Variants in SORBS2 observed in about 807,000 individuals in gnomAD.
The protein encoded by SORBS2 is sorbin and SH3 domain containing 2, also known as sorbin and SH3 domain-containing protein 2.
SORBS2 carries 46 observed loss-of-function variants against 97.7 expected under a neutral mutation model. The ratio of observed to expected loss-of-function variants is 0.47; its 90% CI spans 0.37 to 0.60. SORBS2 has a LOEUF of 0.60. SORBS2 is among the 20% of genes least tolerant of loss of function. SORBS2 has a pLI of 0.00. For missense variants in SORBS2, 1,316 were observed against 1,282.3 expected, an observed-to-expected ratio of 1.03 and a Z score of -0.40; for synonymous variants, 476 against 473.4, an observed-to-expected ratio of 1.01 and a Z score of -0.07.
intron 1 of SORBS2, among the ~76,000 whole-genome samples, chr4:185,894,935 C>G (rs115495237): frequency 6.6e-6 from 1 of 152,142 alleles, no homozygotes; most frequent in African/African-American, 2.4e-5. Flanking sequence ...GTGACTGAGC[C>G]GGGGATGCCT....
At chr4:185,654,852 C>A (rs961978635) in intron 1 of SORBS2, among the ~76,000 whole-genome samples, 2 of 151,994 alleles carry the variant, frequency 1.3e-5, no homozygotes, top group Non-Finnish European at 2.9e-5. Context: ...TTTTTACATT[C>A]CTACAGTTTT....
chr4:185,892,933 G>C (rs1247914713), intron 1 of SORBS2, among the ~76,000 whole-genome samples: 1 of 152,120 alleles, frequency 6.6e-6, no homozygotes, highest in Non-Finnish European at 1.5e-5. Flanking sequence ...ATGTTATTTA[G>C]AAAATGAGAA....
intron 2 of SORBS2, among the ~76,000 whole-genome samples, chr4:185,685,368 C>A (rs1353106479): frequency 6.6e-6 from 1 of 152,100 alleles, no homozygotes; most frequent in Non-Finnish European, 1.5e-5. Context: ...AGGTATGATA[C>A]ATTTTTTTAG....
At chr4:185,889,721 G>A (rs1238711250) in intron 1 of SORBS2, among the ~76,000 whole-genome samples, 4 of 151,470 alleles carry the variant, frequency 2.6e-5, no homozygotes, top group South Asian at 2.1e-4. Context: ...ACAGTTTTAC[G>A]CCCTGAACAT....
At chr4:185,690,501 A>C in intron 2 of SORBS2, 61 bp downstream of exon 4, 1 of 1,106,718 alleles carries the variant, frequency 9.0e-7, no homozygotes, top group South Asian at 1.6e-5. Context: ...CTAATGATTT[A>C]GGGCCAACAT....
At chr4:185,879,721 G>A (rs2099235933) in intron 1 of SORBS2, among the ~76,000 whole-genome samples, 2 of 152,188 alleles carry the variant, frequency 1.3e-5, no homozygotes, top group African/African-American at 4.8e-5. Context: ...TCTAACAGGT[G>A]TGAGATGGTA....
At chr4:185,835,727 T>G (rs1042887243) in intron 1 of SORBS2, among the ~76,000 whole-genome samples, 6 of 151,306 alleles carry the variant, frequency 4.0e-5, no homozygotes, top group African/African-American at 1.5e-4. Flanking sequence ...CTTTAGCCAG[T>G]TTATCTCCTC....
At chr4:185,706,882 A>C (rs2098350808) in intron 2 of SORBS2, among the ~76,000 whole-genome samples, 1 of 152,134 alleles carries the variant, frequency 6.6e-6, no homozygotes, top group African/African-American at 2.4e-5. Context: ...ATTTTGTCAA[A>C]ATACCACATT....
At chr4:185,723,312 T>G (rs2098530710) in intron 2 of SORBS2, among the ~76,000 whole-genome samples, 1 of 152,204 alleles carries the variant, frequency 6.6e-6, no homozygotes, top group South Asian at 2.1e-4. Context: ...TCTGTCTCCC[T>G]TAAGAACTTT....
chr4:185,812,049 T>C (rs926973829), intron 1 of SORBS2: 5 of 152,238 alleles, frequency 3.3e-5, no homozygotes, highest in African/African-American at 1.2e-4. Flanking sequence ...ATCAGCTAAT[T>C]GGAACGGCAG....
intron 1 of SORBS2, among the ~76,000 whole-genome samples, chr4:185,845,603 T>G (rs1204355417): frequency 6.6e-6 from 1 of 151,954 alleles, no homozygotes; most frequent in Non-Finnish European, 1.5e-5. Flanking sequence ...CTCTGCTAAA[T>G]AAAAGGGAAA....
intron 1 of SORBS2, among the ~76,000 whole-genome samples, chr4:185,848,636 T>C (rs2099215991): frequency 5.2e-5 from 1 of 19,362 alleles, no homozygotes; most frequent in Admixed American, 8.8e-4. Flanking sequence ...TTTTTTTTTT[T>C]TTTTTTTTTT....
At chr4:185,857,118 T>C (rs1180369078) in intron 1 of SORBS2, among the ~76,000 whole-genome samples, 2 of 152,198 alleles carry the variant, frequency 1.3e-5, no homozygotes, top group Non-Finnish European at 2.9e-5. Context: ...CCCATGATGA[T>C]GGACTGGTGG....
At chr4:185,825,227 G>A (rs1280984049) in intron 1 of SORBS2, among the ~76,000 whole-genome samples, 1 of 147,654 alleles carries the variant, frequency 6.8e-6, no homozygotes, top group Non-Finnish European at 1.5e-5. Context: ...TTTTTTTACT[G>A]TACTGAGTAT....
intron 1 of SORBS2, among the ~76,000 whole-genome samples, chr4:185,876,718 G>A (rs2099233896): frequency 1.3e-5 from 2 of 152,118 alleles, no homozygotes; most frequent in African/African-American, 2.4e-5. Context: ...TCAAATTATG[G>A]CAGAACTTGG....
Position 185,731,890 on chromosome 4 carries a change from ATATATATATATATATATATG to A in SORBS2, c.-198+43317_-198+43336del, listed in dbSNP as rs1476338726. The stretch of plus-strand genomic sequence containing the variant: ...TCTATATATATATATATATATATAT[ATATATATATATATATATATG>A]TCTGTTTCTCTGTCTCACTCTAGAT... On this transcript the variant is annotated intron_variant, in intron 2 of 20. Coordinates refer to the SORBS2 transcript ENST00000284776. Among the ~76,000 whole-genome samples the A allele has an allele frequency of 2.7e-3, 251 of 94,326 alleles. 4 individuals carry two copies. Among genetic ancestry groups the A allele is most frequent in the African/African-American group, 8.2e-3 (209 of 25,458 alleles). The allele number at this position is 94,326 out of a possible 152,430, so 61.9% of individuals were successfully genotyped here.
chr4:185,944,251 G>T (rs1228284017), intron 1 of SORBS2, among the ~76,000 whole-genome samples: 2 of 152,154 alleles, frequency 1.3e-5, no homozygotes, highest in East Asian at 3.8e-4. Flanking sequence ...TGCTTTCGGG[G>T]CCCCAAATAG....
Position 185,684,838 on chromosome 4 carries a change from C to A in SORBS2, c.-197-6016G>T, listed in dbSNP as rs1219681775. 14 of 1,551,670 alleles carry A rather than the reference C, an allele frequency of 9.0e-6. No homozygotes were observed. The highest frequency in any genetic ancestry group is 1.2e-5 in the Non-Finnish European group (14 of 1,146,980). ...ATGGCGGCACGTTTGCGAGCACACC[C>A]ACCGCTATCTGGAAGCAAAAAAATG... On this transcript the variant is annotated intron_variant, in intron 2 of 20. Coordinates refer to the SORBS2 transcript ENST00000284776. This position sits in a 1 kb window ranked among gnomAD's most constrained non-coding sequence, Gnocchi z 4.2.
intron 4 of SORBS2, among the ~76,000 whole-genome samples, chr4:185,674,074 C>T (rs1268924676): frequency 6.6e-6 from 1 of 152,170 alleles, no homozygotes; most frequent in Non-Finnish European, 1.5e-5. Flanking sequence ...CTCATGGCCA[C>T]AAAACCCATC....
Sources: allele counts gnomAD v4.1 joint callset (sites outside exome capture counted in the v4.1 genomes callset), GRCh38; gene constraint gnomAD v4.1.1; non-coding constraint Gnocchi (gnomAD v3.1); transcripts MANE v1.5; gene names NCBI Gene and HGNC (gene_info 2026-07-23, HGNC 2026-07-21).